Variants in NCOA2 observed in about 807,000 individuals in gnomAD.
NCOA2 encodes the protein class E basic helix-loop-helix protein 75.
NCOA2 carries 21 observed loss-of-function variants against 145.1 expected under a neutral mutation model. The ratio of observed to expected loss-of-function variants is 0.14; its 90% CI spans 0.10 to 0.21. NCOA2 has a LOEUF of 0.21. Ranked by LOEUF, NCOA2 falls within the 10% of genes least tolerant of loss-of-function variation. The pLI is 1.00. For synonymous variants in NCOA2, 619 were observed against 637.5 expected (o/e 0.97, Z 0.44); for missense variants, 1,472 against 1,837.6 (o/e 0.80, Z 3.64).
At chr8:70,337,142 A>G (rs555133199) in intron 1 of NCOA2, among the ~76,000 whole-genome samples, 9 of 152,140 alleles carry the variant, frequency 5.9e-5, no homozygotes, top group Non-Finnish European at 1.3e-4. Context: ...GTATGGACTG[A>G]TAATTGACAA....
intron 2 of NCOA2, among the ~76,000 whole-genome samples, chr8:70,230,580 A>C (rs1469721755): frequency 2.0e-5 from 3 of 152,220 alleles, no homozygotes; most frequent in African/African-American, 7.2e-5. Context: ...GTATTTAGAA[A>C]ACACACTGGG....
intron 1 of NCOA2, among the ~76,000 whole-genome samples, chr8:70,344,997 A>T (rs1431181674): frequency 6.6e-6 from 1 of 152,238 alleles, no homozygotes; most frequent in Non-Finnish European, 1.5e-5. Flanking sequence ...GAGTAATTTA[A>T]TGTCCAAATT....
At chr8:70,348,938 G>A (rs573831304) in intron 1 of NCOA2, among the ~76,000 whole-genome samples, 63 of 147,836 alleles carry the variant, frequency 4.3e-4, no homozygotes, top group African/African-American at 1.5e-3. Context: ...GATTGCATAA[G>A]ATCACTAAAT....
chr8:70,384,415 A>G (rs1373056852), intron 1 of NCOA2, among the ~76,000 whole-genome samples: 1 of 152,200 alleles, frequency 6.6e-6, no homozygotes, highest in Non-Finnish European at 1.5e-5. Flanking sequence ...GAATTTTCTC[A>G]AAAGGGGTTT....
intron 1 of NCOA2, among the ~76,000 whole-genome samples, chr8:70,385,178 G>C (rs1563831965): frequency 1.3e-5 from 2 of 152,048 alleles, no homozygotes. Flanking sequence ...TCCTCTATTT[G>C]AATTTAAAAT....
intron 1 of NCOA2, among the ~76,000 whole-genome samples, chr8:70,398,879 ATAGAG>A (rs1333346549): frequency 6.6e-5 from 10 of 152,354 alleles, no homozygotes; most frequent in Admixed American, 6.5e-4. Flanking sequence ...TCAACATTTC[ATAGAG>A]TAAACACATA....
At chr8:70,334,407 C>G (rs186772033) in intron 1 of NCOA2, among the ~76,000 whole-genome samples, 26 of 152,304 alleles carry the variant, frequency 1.7e-4, no homozygotes, top group African/African-American at 5.3e-4. Context: ...TTTATTAGCT[C>G]TACCTATTAA....
intron 1 of NCOA2, among the ~76,000 whole-genome samples, chr8:70,382,421 C>T (rs761653197): frequency 2.0e-5 from 3 of 152,002 alleles, no homozygotes; most frequent in African/African-American, 7.3e-5. Flanking sequence ...ATGTCGTTTC[C>T]ACAAGGAAGA....
the NCOA2 span, among the ~76,000 whole-genome samples, chr8:70,441,433 A>T: frequency 6.6e-6 from 1 of 150,594 alleles, no homozygotes; most frequent in Non-Finnish European, 1.5e-5. Context: ...GAGGGAGAAG[A>T]GAAAGAAAAA....
At chr8:70,357,715 C>A (rs1809845695) in intron 1 of NCOA2, among the ~76,000 whole-genome samples, 4 of 149,956 alleles carry the variant, frequency 2.7e-5, no homozygotes, top group Admixed American at 6.7e-5. Context: ...TGCACTGTAG[C>A]CTGGGCGACA....
chr8:70,285,494 T>C (rs1444558273), intron 2 of NCOA2, among the ~76,000 whole-genome samples: 5 of 152,262 alleles, frequency 3.3e-5, no homozygotes, highest in African/African-American at 1.2e-4. Flanking sequence ...AGATGGCAGG[T>C]TGTAGCCTTC....
At chr8:70,198,003 G>A (rs1053479994) in intron 4 of NCOA2, among the ~76,000 whole-genome samples, 13 of 151,884 alleles carry the variant, frequency 8.6e-5, no homozygotes, top group Non-Finnish European at 1.8e-4. Flanking sequence ...ATCTCACTAC[G>A]TTGCCCAGGC....
At chr8:70,247,512 C>T (rs1179078878) in intron 2 of NCOA2, among the ~76,000 whole-genome samples, 1 of 152,082 alleles carries the variant, frequency 6.6e-6, no homozygotes, top group East Asian at 1.9e-4. Flanking sequence ...CAATGCAATG[C>T]AATGACTAAA....
At chr8:70,223,301 A>T (rs1271519040) in intron 2 of NCOA2, among the ~76,000 whole-genome samples, 1 of 152,218 alleles carries the variant, frequency 6.6e-6, no homozygotes, top group African/African-American at 2.4e-5. Context: ...TTATGAGATT[A>T]AAAAATGACT....
rs577116429 is a variant in NCOA2 at position 70,166,402 on chromosome 8, C to T, written c.730+164G>A. Among the ~76,000 whole-genome samples the T allele has an allele frequency of 9.3e-4, 142 of 152,320 alleles. 2 individuals are homozygous for T. In the South Asian group the frequency reaches 0.028, roughly 30 times the overall value. On this transcript the variant is annotated intron_variant, in intron 7 of 22. Transcript: ENST00000452400. ...TTGCAGATAATTCTGTTGGACAGTG[C>T]TGTTCTGAAGACTTAAAAATTTCCA...
chr8:70,343,544 A>C (rs981319273), intron 1 of NCOA2, among the ~76,000 whole-genome samples: 2 of 152,076 alleles, frequency 1.3e-5, no homozygotes, highest in African/African-American at 2.4e-5. Flanking sequence ...ACAGTGGCTC[A>C]TGCCTGTAAT....
In NCOA2 at chr8:70,291,675, G is replaced by A. The variant is rs76331602; in HGVS notation, c.-20+5069C>T. Among the ~76,000 whole-genome samples the A allele has an allele frequency of 4.1e-3, 618 of 152,264 alleles. 4 individuals carry two copies. The highest frequency in any genetic ancestry group is 0.014 in the African/African-American group (587 of 41,540). On this transcript the variant is annotated intron_variant, in intron 2 of 22. Transcript: ENST00000452400. ...AAGACACACCTACCTTAAGAGGTGC[G>A]TGTCTTCCTAAGAGCACACTCTGAG...
At chr8:70,361,245 G>A (rs1257516011) in intron 1 of NCOA2, among the ~76,000 whole-genome samples, 1 of 152,128 alleles carries the variant, frequency 6.6e-6, no homozygotes, top group East Asian at 1.9e-4. Context: ...GCCCAGCGCA[G>A]TGACTCATGC....
At chr8:70,238,745 G>T (rs1490624897) in intron 2 of NCOA2, among the ~76,000 whole-genome samples, 1 of 152,122 alleles carries the variant, frequency 6.6e-6, no homozygotes, top group Admixed American at 6.6e-5. Context: ...ATGGTGACTT[G>T]TGCTTCTGTT....
Sources: allele counts gnomAD v4.1 joint callset (sites outside exome capture counted in the v4.1 genomes callset), GRCh38; gene constraint gnomAD v4.1.1; transcripts MANE v1.5; gene names NCBI Gene and HGNC (gene_info 2026-07-23, HGNC 2026-07-21).